The following RALGPS1 variants were observed in gnomAD, a reference collection of about 807,000 sequenced individuals.
RALGPS1 encodes the protein ras-specific guanine nucleotide-releasing factor RalGPS1.
In RALGPS1, 19 loss-of-function variants were observed where a neutral mutation model predicts 78.8. The ratio of observed to expected loss-of-function variants is 0.24; its 90% CI spans 0.17 to 0.35. RALGPS1 has a LOEUF of 0.35. RALGPS1 is among the 10% of genes least tolerant of loss of function. The pLI is 1.00. For missense variants in RALGPS1, 454 were observed against 688.3 expected (o/e 0.66, Z 3.81); for synonymous variants, 228 against 256.3 (o/e 0.89, Z 1.06).
At chr9:127,041,890 AG>A (rs1256787376) in intron 5 of RALGPS1, among the ~76,000 whole-genome samples, 2 of 152,152 alleles carry the variant, frequency 1.3e-5, no homozygotes, top group African/African-American at 4.8e-5. Flanking sequence ...AATATAAGGA[AG>A]TTTCTTAACC....
Position 127,189,016 on chromosome 9 carries a change from A to C in RALGPS1, c.911-6075A>C, listed in dbSNP as rs1043353196. 5.7e-4 allele frequency among the ~76,000 whole-genome samples: 85 copies of C among 148,732 alleles called. 1 individual carries two copies. The highest frequency in any genetic ancestry group is 1.8e-3 in the African/African-American group (72 of 40,996). On this transcript the variant is annotated intron_variant, in intron 11 of 18. Transcript: ENST00000259351. ...CTGTCTCAAAAAAAAAAAAAAAAAA[A>C]AAAAAAAAAAACCCCATTGGCTCAC...
At chr9:127,208,216 G>A (rs1329568767) in intron 14 of RALGPS1, among the ~76,000 whole-genome samples, 1 of 152,220 alleles carries the variant, frequency 6.6e-6, no homozygotes, top group Admixed American at 6.5e-5. Flanking sequence ...GCCCTATTCT[G>A]GGAGATCCCC....
chr9:127,061,539 C>T (rs148351962), intron 7 of RALGPS1, among the ~76,000 whole-genome samples: 3 of 152,322 alleles, frequency 2.0e-5, no homozygotes, highest in East Asian at 1.9e-4. Flanking sequence ...TCTAGTCTTA[C>T]GCAAAGCAAC....
At chr9:127,136,791 G>T (rs2057426863) in intron 8 of RALGPS1, among the ~76,000 whole-genome samples, 1 of 152,086 alleles carries the variant, frequency 6.6e-6, no homozygotes, top group African/African-American at 2.4e-5. Context: ...GTGATTAAGG[G>T]TCAGGGACTA....
intron 8 of RALGPS1, among the ~76,000 whole-genome samples, chr9:127,109,664 A>T (rs554543310): frequency 6.6e-6 from 1 of 152,360 alleles, no homozygotes; most frequent in East Asian, 1.9e-4. Flanking sequence ...CCAGATGTTG[A>T]TTGAACACCT....
intron 4 of RALGPS1, among the ~76,000 whole-genome samples, chr9:126,982,634 C>T (rs1021243668): frequency 2.0e-5 from 3 of 152,044 alleles, no homozygotes; most frequent in Non-Finnish European, 4.4e-5. Flanking sequence ...TGGTTGTCAC[C>T]CACCAGTTTC....
intron 1 of RALGPS1, among the ~76,000 whole-genome samples, chr9:126,954,282 C>T (rs990800951): frequency 1.3e-5 from 2 of 152,142 alleles, no homozygotes; most frequent in African/African-American, 4.8e-5. Flanking sequence ...CTTCTTTTCC[C>T]CCTGCATGCA....
chr9:127,031,644 T>G (rs922602469), intron 4 of RALGPS1, among the ~76,000 whole-genome samples: 1 of 152,258 alleles, frequency 6.6e-6, no homozygotes, highest in Non-Finnish European at 1.5e-5. Flanking sequence ...GTGATTTGTC[T>G]GGTGTTTCCC....
chr9:127,124,381 G>A (rs1356347450), intron 8 of RALGPS1, among the ~76,000 whole-genome samples: 1 of 152,212 alleles, frequency 6.6e-6, no homozygotes, highest in South Asian at 2.1e-4. Flanking sequence ...AGACACGTGA[G>A]CAAGGAAAGA....
chr9:127,174,105 C>T (rs1476290719), intron 10 of RALGPS1, among the ~76,000 whole-genome samples: 1 of 151,756 alleles, frequency 6.6e-6, no homozygotes, highest in African/African-American at 2.4e-5. Flanking sequence ...ACTAAGAATA[C>T]AAAAATTAGC....
At chr9:127,192,211 G>A (rs1403880098) in intron 11 of RALGPS1, among the ~76,000 whole-genome samples, 1 of 152,230 alleles carries the variant, frequency 6.6e-6, no homozygotes, top group Non-Finnish European at 1.5e-5. Flanking sequence ...AAGAGAGGTG[G>A]GCAGGGAGGG....
At chr9:127,194,691 G>A (rs1212942373) in intron 11 of RALGPS1, among the ~76,000 whole-genome samples, 1 of 152,204 alleles carries the variant, frequency 6.6e-6, no homozygotes, top group Non-Finnish European at 1.5e-5. Flanking sequence ...GGGATTACAG[G>A]CGTGAGCCAC....
At chr9:127,061,869 G>C (rs1486052673) in intron 7 of RALGPS1, among the ~76,000 whole-genome samples, 1 of 152,156 alleles carries the variant, frequency 6.6e-6, no homozygotes, top group African/African-American at 2.4e-5. Context: ...CCCTGAATGG[G>C]CCCTTGGCAA....
intron 7 of RALGPS1, among the ~76,000 whole-genome samples, chr9:127,057,920 C>T (rs891344167): frequency 2.0e-5 from 3 of 152,184 alleles, no homozygotes; most frequent in South Asian, 2.1e-4. Context: ...GGAAGAAAAG[C>T]GATGCAGAAT....
At chr9:127,063,439 A>G (rs892138024) in intron 7 of RALGPS1, among the ~76,000 whole-genome samples, 6 of 152,070 alleles carry the variant, frequency 3.9e-5, no homozygotes, top group African/African-American at 1.4e-4. Flanking sequence ...AAATTAATTC[A>G]TTTTGCATAT....
chr9:127,207,168 A>C lies in RALGPS1; in HGVS notation c.1248-4963A>C, dbSNP rs369272329. Among the ~76,000 whole-genome samples, 6 of 151,750 alleles carry C rather than the reference A, an allele frequency of 4.0e-5. No individual in the cohort carries two copies. In the East Asian group the frequency reaches 1.2e-3, roughly 30 times the overall value. ...TACTGTCACCACCACCACCACCATC[A>C]TCGTTATCCCATCATCTCATTGTCC... is the stretch of plus-strand genomic sequence containing the variant. On this transcript the variant is annotated intron_variant, in intron 14 of 18. Transcript: ENST00000259351.
intron 8 of RALGPS1, chr9:127,093,854 T>C (rs747290910): frequency 6.2e-7 from 1 of 1,614,138 alleles, no homozygotes; most frequent in Non-Finnish European, 8.5e-7. Context: ...GTTGGTGTTC[T>C]CCGGCTTCAC....
chr9:126,941,102 A>C (rs1452261471), intron 1 of RALGPS1, among the ~76,000 whole-genome samples: 1 of 149,126 alleles, frequency 6.7e-6, no homozygotes, highest in Non-Finnish European at 1.5e-5. Flanking sequence ...TTCAAGTGTC[A>C]TTTTCTCAGT....
At chr9:127,105,290 G>A (rs1455603268) in intron 8 of RALGPS1, among the ~76,000 whole-genome samples, 2 of 152,158 alleles carry the variant, frequency 1.3e-5, no homozygotes, top group African/African-American at 4.8e-5. Flanking sequence ...TCCCATGACG[G>A]CGTGCTTTCT....
Sources: allele counts gnomAD v4.1 joint callset (sites outside exome capture counted in the v4.1 genomes callset), GRCh38; gene constraint gnomAD v4.1.1; transcripts MANE v1.5; gene names NCBI Gene and HGNC (gene_info 2026-07-23, HGNC 2026-07-21).